Variants in NHERF4 observed in about 807,000 individuals in gnomAD.
The protein encoded by NHERF4 is NHERF family PDZ scaffold protein 4, also known as Na(+)/H(+) exchange regulatory cofactor NHE-RF4.
the NHERF4 span, chr11:119,187,788 T>A: frequency 6.8e-7 from 1 of 1,459,860 alleles, no homozygotes; most frequent in Non-Finnish European, 9.0e-7. Context: ...GCGCCTAACC[T>A]CCTTATCTGG....
chr11:119,188,994 C>A, the NHERF4 span: 1 of 1,614,016 alleles, frequency 6.2e-7, no homozygotes, highest in Non-Finnish European at 8.5e-7. Context: ...TGCATGCCCC[C>A]ACAACACCAG....
the NHERF4 span, chr11:119,186,514 C>A: frequency 1.9e-6 from 3 of 1,614,186 alleles, no homozygotes; most frequent in Non-Finnish European, 2.5e-6. The surrounding 1 kb of genome is among the most constrained non-coding windows in gnomAD (Gnocchi z 4.4). Context: ...CTTCTGTTTA[C>A]TGAGCAAAGA....
At chr11:119,186,488 G>A in the NHERF4 span, 3 of 1,613,984 alleles carry the variant, frequency 1.9e-6, no homozygotes, top group African/African-American at 1.3e-5. This position sits in a 1 kb window ranked among gnomAD's most constrained non-coding sequence, Gnocchi z 4.4. Flanking sequence ...GATCCCTGGA[G>A]CCTGGAGCGG....
chr11:119,188,209 A>G, the NHERF4 span: 1 of 1,528,156 alleles, frequency 6.5e-7, no homozygotes, highest in Admixed American at 2.1e-5. Context: ...AAGCGTATAT[A>G]CACCTTTCAG....
chr11:119,187,372 C>T, the NHERF4 span: 3 of 1,614,018 alleles, frequency 1.9e-6, no homozygotes, highest in Non-Finnish European at 2.5e-6. Context: ...AGATGCCCAC[C>T]TCTGTCCCAC....
the NHERF4 span, chr11:119,188,371 G>A: frequency 8.7e-6 from 14 of 1,614,046 alleles, no homozygotes; most frequent in South Asian, 1.4e-4. Context: ...TCCTGTGGGA[G>A]GTGGACCCGG....
At chr11:119,187,257 G>A in the NHERF4 span, 4 of 1,578,584 alleles carry the variant, frequency 2.5e-6, no homozygotes, top group East Asian at 4.7e-5. Context: ...ACGCCCACGT[G>A]CCCTCTGTCC....
At chr11:119,185,629 G>A in the NHERF4 span, 1 of 985,498 alleles carries the variant, frequency 1.0e-6, no homozygotes, top group Non-Finnish European at 1.6e-6. Flanking sequence ...CCTGAGGCAG[G>A]TAAACAAGTC....
chr11:119,189,236 G>A, the NHERF4 span: 10 of 1,585,306 alleles, frequency 6.3e-6, no homozygotes, highest in South Asian at 7.9e-5. This position sits in a 1 kb window ranked among gnomAD's most constrained non-coding sequence, Gnocchi z 5.8. Context: ...GGGACTGTGA[G>A]TAGCTACAGA....
chr11:119,186,338 C>T, the NHERF4 span: 112 of 1,558,140 alleles, frequency 7.2e-5, 1 homozygote, highest in Middle Eastern at 3.3e-4. The surrounding 1 kb of genome is among the most constrained non-coding windows in gnomAD (Gnocchi z 4.4). Flanking sequence ...CCTCTGCCCA[C>T]GAACCCCACC....
chr11:119,188,919 C>T, the NHERF4 span: 42 of 1,610,412 alleles, frequency 2.6e-5, no homozygotes, highest in African/African-American at 4.0e-4. Flanking sequence ...GCTGCCTGAT[C>T]GGTCTTCCTC....
the NHERF4 span, chr11:119,187,694 C>G: frequency 6.6e-7 from 1 of 1,507,666 alleles, no homozygotes; most frequent in Non-Finnish European, 8.9e-7. Flanking sequence ...ACCAACTCAC[C>G]AGGAAGGTGT....
chr11:119,188,641 T>A, the NHERF4 span: 1 of 1,614,070 alleles, frequency 6.2e-7, no homozygotes, highest in Non-Finnish European at 8.5e-7. Flanking sequence ...ACCTTCCAGG[T>A]TCGCCTGTCC....
At chr11:119,185,841 C>A in the NHERF4 span, 1 of 1,587,544 alleles carries the variant, frequency 6.3e-7, no homozygotes, top group South Asian at 1.1e-5. Flanking sequence ...TTCCCTGAGT[C>A]CTTTTAGTTT....
At chr11:119,189,528 A>ACCAC in the NHERF4 span, 2 of 1,610,136 alleles carry the variant, frequency 1.2e-6, no homozygotes, top group Non-Finnish European at 1.7e-6. The surrounding 1 kb of genome is among the most constrained non-coding windows in gnomAD (Gnocchi z 5.8). Flanking sequence ...CTCAGGGGCT[A>ACCAC]CCGTGTCTTC....
At chr11:119,186,315 T>A in the NHERF4 span, 68 of 1,580,038 alleles carry the variant, frequency 4.3e-5, no homozygotes, top group East Asian at 1.5e-3. This position sits in a 1 kb window ranked among gnomAD's most constrained non-coding sequence, Gnocchi z 4.4. Flanking sequence ...GGGTGTTTTC[T>A]CCTGTCCCAG....
the NHERF4 span, chr11:119,187,972 G>A: frequency 6.4e-7 from 1 of 1,574,548 alleles, no homozygotes; most frequent in Non-Finnish European, 8.6e-7. Context: ...TGACCTTGCT[G>A]GTGGCAGGGC....
the NHERF4 span, chr11:119,188,585 C>T: frequency 6.2e-7 from 1 of 1,606,422 alleles, no homozygotes. Flanking sequence ...AGGGTTGGGG[C>T]AGGAGTGGGG....
the NHERF4 span, chr11:119,186,346 AC>A: frequency 6.4e-7 from 1 of 1,553,420 alleles, no homozygotes; most frequent in Non-Finnish European, 8.8e-7. This position sits in a 1 kb window ranked among gnomAD's most constrained non-coding sequence, Gnocchi z 4.4. Context: ...CACGAACCCC[AC>A]CACCCAACAC....
Sources: gnomAD v4.1 joint callset for allele counts on GRCh38, gnomAD v4.1.1 for gene constraint, Gnocchi (gnomAD v3.1) non-coding constraint, MANE v1.5 for transcripts, NCBI Gene and HGNC (gene_info 2026-07-23, HGNC 2026-07-21) for gene names.